UNC13C: variants seen among roughly 807,000 people sequenced by gnomAD.
The protein encoded by UNC13C is unc-13 homolog C, also known as protein unc-13 homolog C.
In UNC13C, 174 loss-of-function variants were observed where a neutral mutation model predicts 245.4. That is an observed-to-expected ratio of 0.71 (90% CI 0.63 to 0.80). The LOEUF (loss-of-function observed/expected upper bound fraction) is 0.80, where lower values mean the gene tolerates loss of function less well. Among genes scored for constraint, UNC13C ranks in the 30% least tolerant of loss-of-function variants. The pLI is 0.00. For missense variants in UNC13C, 2,829 were observed against 2,602.9 expected (o/e 1.09, Z -1.89); for synonymous variants, 992 against 895.1 (o/e 1.11, Z -1.93).
intron 4 of UNC13C, among the ~76,000 whole-genome samples, chr15:54,227,651 C>T (rs11635830): frequency 0.088 from 13,385 of 152,234 alleles, 880 homozygotes; most frequent in South Asian, 0.2. Flanking sequence ...CCAAAAGTGG[C>T]CCCAGGGAGT....
chr15:54,579,560 C>T (rs1898111278), intron 30 of UNC13C, among the ~76,000 whole-genome samples: 1 of 151,936 alleles, frequency 6.6e-6, no homozygotes, highest in African/African-American at 2.4e-5. Flanking sequence ...AGATCGAGAC[C>T]TTCCAGCTAA....
intron 19 of UNC13C, among the ~76,000 whole-genome samples, chr15:54,485,766 G>C (rs1893373864): frequency 6.6e-6 from 1 of 152,018 alleles, no homozygotes; most frequent in South Asian, 2.1e-4. Context: ...GCATCTCTTT[G>C]AGCTTGTCAA....
intron 2 of UNC13C, among the ~76,000 whole-genome samples, chr15:54,118,000 G>C (rs1208338307): frequency 1.3e-5 from 2 of 151,828 alleles, no homozygotes; most frequent in African/African-American, 2.4e-5. Context: ...TGTTCCTTTG[G>C]TCTGTGTGTC....
chr15:54,155,117 C>T (rs2032686182), intron 4 of UNC13C, among the ~76,000 whole-genome samples: 1 of 152,110 alleles, frequency 6.6e-6, no homozygotes, highest in African/African-American at 2.4e-5. Flanking sequence ...CAAACCACTC[C>T]AAAACTCAGT....
At chr15:54,176,055 CTT>C in intron 4 of UNC13C, among the ~76,000 whole-genome samples, 1 of 150,670 alleles carries the variant, frequency 6.6e-6, no homozygotes, top group African/African-American at 2.4e-5. Context: ...GATGTCTACT[CTT>C]TTTTTGTTGC....
At chr15:54,249,704 T>C (rs1409757947) in intron 7 of UNC13C, among the ~76,000 whole-genome samples, 6 of 152,220 alleles carry the variant, frequency 3.9e-5, no homozygotes, top group East Asian at 3.8e-4. Context: ...AGTGCCTCAT[T>C]TGACCTTATC....
At chr15:54,279,504 A>C (rs893930044) in intron 10 of UNC13C, among the ~76,000 whole-genome samples, 4 of 152,178 alleles carry the variant, frequency 2.6e-5, no homozygotes, top group African/African-American at 9.7e-5. Context: ...TTTGGTGTTC[A>C]GATAAAGTCT....
chr15:54,607,303 T>C (rs1899822112), intron 30 of UNC13C, among the ~76,000 whole-genome samples: 1 of 152,162 alleles, frequency 6.6e-6, no homozygotes, highest in Admixed American at 6.5e-5. Flanking sequence ...GCCACAGAAA[T>C]TACTAGAAGC....
chr15:53,994,053 C>G (rs1284166536), intron 1 of UNC13C, among the ~76,000 whole-genome samples: 1 of 151,740 alleles, frequency 6.6e-6, no homozygotes, highest in Admixed American at 6.6e-5. Flanking sequence ...TCAATTACAC[C>G]AATACTTGGA....
At chr15:54,428,114 T>C (rs1221543166) in intron 19 of UNC13C, among the ~76,000 whole-genome samples, 1 of 151,884 alleles carries the variant, frequency 6.6e-6, no homozygotes, top group African/African-American at 2.4e-5. Flanking sequence ...TCATTGTTAG[T>C]TGTGCCTAGT....
At chr15:53,914,705 T>G in the UNC13C span, 1 of 152,202 alleles carries the variant, frequency 6.6e-6, no homozygotes, top group Non-Finnish European at 1.5e-5. Flanking sequence ...AAAATCATCT[T>G]TCACCTGCCT....
intron 4 of UNC13C, among the ~76,000 whole-genome samples, chr15:54,168,118 A>G (rs994162084): frequency 1.3e-5 from 2 of 152,194 alleles, no homozygotes; most frequent in Non-Finnish European, 2.9e-5. Context: ...AGTATAGGGT[A>G]TGCCTTTAAG....
chr15:54,212,494 G>A (rs2034913350), intron 4 of UNC13C, among the ~76,000 whole-genome samples: 1 of 151,886 alleles, frequency 6.6e-6, no homozygotes. Context: ...ACAATACCGT[G>A]CTCCTTGTGG....
At chr15:54,305,653 GAAC>G (rs1335270718) in intron 13 of UNC13C, among the ~76,000 whole-genome samples, 6 of 151,974 alleles carry the variant, frequency 3.9e-5, no homozygotes, top group African/African-American at 1.4e-4. Context: ...ACCAACGAAA[GAAC>G]AACAAAACCT....
chr15:54,268,666 G>A (rs1596115626), intron 10 of UNC13C, among the ~76,000 whole-genome samples: 1 of 152,108 alleles, frequency 6.6e-6, no homozygotes, highest in African/African-American at 2.4e-5. Context: ...TCAATTTCAG[G>A]CTAATTATTC....
chr15:54,626,584 C>T (rs866713991), intron 32 of UNC13C, among the ~76,000 whole-genome samples: 10 of 152,070 alleles, frequency 6.6e-5, no homozygotes, highest in African/African-American at 2.2e-4. Context: ...GATTCTGCCT[C>T]GACTGATTAA....
intron 24 of UNC13C, among the ~76,000 whole-genome samples, chr15:54,516,666 G>A (rs1245695143): frequency 1.3e-5 from 2 of 151,984 alleles, no homozygotes; most frequent in African/African-American, 4.8e-5. Context: ...CAGGCATGGT[G>A]GTGGGCGCCT....
the UNC13C span, chr15:53,913,407 C>T: frequency 2.0e-5 from 3 of 152,264 alleles, no homozygotes; most frequent in Admixed American, 6.5e-5. Flanking sequence ...AGCTGAGCTC[C>T]AGTATTCCTT....
chr15:54,005,325 TG>T (rs1225151585), intron 1 of UNC13C, among the ~76,000 whole-genome samples: 19 of 152,200 alleles, frequency 1.2e-4, no homozygotes, highest in African/African-American at 4.6e-4. Flanking sequence ...TTGGTCCTCC[TG>T]GGCACAGTAG....
Sources: allele counts gnomAD v4.1 joint callset (sites outside exome capture counted in the v4.1 genomes callset), GRCh38; gene constraint gnomAD v4.1.1; transcripts MANE v1.5; gene names NCBI Gene and HGNC (gene_info 2026-07-23, HGNC 2026-07-21).